The following SGMS1 variants were observed in gnomAD, a reference collection of about 807,000 sequenced individuals.
SGMS1 encodes the protein phosphatidylcholine:ceramide cholinephosphotransferase 1.
In SGMS1, 13 loss-of-function variants were observed where a neutral mutation model predicts 46.2. The ratio of observed to expected loss-of-function variants is 0.28; its 90% confidence interval spans 0.18 to 0.45. The LOEUF is 0.45. Among genes scored for constraint, SGMS1 ranks in the 20% least tolerant of loss-of-function variants. SGMS1 has a pLI of 1.00. For synonymous variants in SGMS1, 203 were observed against 187.8 expected (o/e 1.08, Z -0.66); for missense variants, 324 against 519.9 (o/e 0.62, Z 3.66).
intron 8 of SGMS1, among the ~76,000 whole-genome samples, chr10:50,312,768 A>T (rs1043067328): frequency 6.6e-6 from 1 of 152,208 alleles, no homozygotes. Flanking sequence ...GGAATCACAG[A>T]GGGTACAGTC....
At position 50,365,136 on chromosome 10, in the gene SGMS1, T is replaced by C. The variant is rs114514871; in HGVS notation, c.-231-20791A>G. Among the ~76,000 whole-genome samples the C allele has an allele frequency of 3.1e-3, 470 of 151,608 alleles. 2 individuals are homozygous for C. Among genetic ancestry groups the C allele is most frequent in the Middle Eastern group, 0.01 (3 of 290 alleles). ...AAAATTAGCCAGGCATGGTGGAGCATGTAGTCCCAGCTACTCAGGACGTTG... is the reference window on the plus strand; with the variant it reads ...AAAATTAGCCAGGCATGGTGGAGCACGTAGTCCCAGCTACTCAGGACGTTG... On this transcript the variant is annotated intron_variant, in intron 6 of 10. Coordinates refer to ENST00000361781, the MANE Select transcript of SGMS1 (RefSeq NM_147156.4).
At chr10:50,314,835 CCTT>C (rs1847313468) in intron 8 of SGMS1, among the ~76,000 whole-genome samples, 1 of 152,104 alleles carries the variant, frequency 6.6e-6, no homozygotes, top group Non-Finnish European at 1.5e-5. Flanking sequence ...GTGGGAGGAT[CCTT>C]TGAGCCTAGG....
chr10:50,558,208 T>C (rs559364882), intron 2 of SGMS1, among the ~76,000 whole-genome samples: 1 of 152,294 alleles, frequency 6.6e-6, no homozygotes, highest in African/African-American at 2.4e-5. Flanking sequence ...AACTGAACCC[T>C]AGGACTTCTG....
chr10:50,445,671 A>C (rs1478725146), intron 5 of SGMS1, among the ~76,000 whole-genome samples: 1 of 152,136 alleles, frequency 6.6e-6, no homozygotes. Context: ...CTGAGGATGA[A>C]TGTCACCTCA....
chr10:50,537,454 G>T (rs11816885), intron 2 of SGMS1, among the ~76,000 whole-genome samples: 9 of 147,270 alleles, frequency 6.1e-5, no homozygotes, highest in Non-Finnish European at 1.2e-4. Context: ...TATATATATA[G>T]ATATATATAT....
intron 2 of SGMS1, among the ~76,000 whole-genome samples, chr10:50,589,337 C>A (rs1838517580): frequency 6.6e-6 from 1 of 152,280 alleles, no homozygotes; most frequent in African/African-American, 2.4e-5. Context: ...TCATAGCTTA[C>A]TACACCCTCC....
chr10:50,552,172 G>A (rs1444637745), intron 2 of SGMS1, among the ~76,000 whole-genome samples: 1 of 152,106 alleles, frequency 6.6e-6, no homozygotes, highest in African/African-American at 2.4e-5. Context: ...GGCACGCAAG[G>A]CATAACCCAC....
At chr10:50,595,879 C>T (rs1466645435) in intron 1 of SGMS1, among the ~76,000 whole-genome samples, 2 of 152,172 alleles carry the variant, frequency 1.3e-5, no homozygotes, top group Non-Finnish European at 2.9e-5. Flanking sequence ...CAGAAGACGA[C>T]TGGGTTCCAC....
chr10:50,505,490 C>T (rs889765474), intron 3 of SGMS1, among the ~76,000 whole-genome samples: 29 of 152,252 alleles, frequency 1.9e-4, no homozygotes, highest in African/African-American at 6.7e-4. Context: ...GTCAAGTGAA[C>T]AGTACTTCTA....
chr10:50,586,859 T>C (rs1019435641), intron 2 of SGMS1, among the ~76,000 whole-genome samples: 1 of 152,250 alleles, frequency 6.6e-6, no homozygotes, highest in African/African-American at 2.4e-5. Context: ...TCATTTCCTC[T>C]GGAGGGTGCC....
chr10:50,487,792 G>GT (rs2133732872), intron 3 of SGMS1, among the ~76,000 whole-genome samples: 2 of 151,966 alleles, frequency 1.3e-5, no homozygotes, highest in South Asian at 4.1e-4. Flanking sequence ...GAGCTGAGGT[G>GT]TTTTTTCCTT....
At chr10:50,444,244 T>G (rs962744781) in intron 5 of SGMS1, among the ~76,000 whole-genome samples, 1 of 152,124 alleles carries the variant, frequency 6.6e-6, no homozygotes, top group African/African-American at 2.4e-5. Flanking sequence ...AGATGCATTT[T>G]AAATACAAAG....
chr10:50,553,049 A>C (rs1252021948), intron 2 of SGMS1, among the ~76,000 whole-genome samples: 2 of 152,188 alleles, frequency 1.3e-5, no homozygotes, highest in African/African-American at 4.8e-5. Context: ...ATTTGTGGTC[A>C]TTTGTTACAG....
Position 50,307,198 on chromosome 10 carries a change from G to T in SGMS1, c.1186C>A (p.Pro396Thr). ...PRSYHWPFPWPVVHLSRQVKY... is the reference protein window; with the variant it reads ...PRSYHWPFPWTVVHLSRQVKY... ...ACTTGCCTACTGAGGTGGACTACTG[G>T]CCAGGGGAAAGGCCAATGGTAAGAT... is the stretch of plus-strand genomic sequence containing the variant. Residue 396 changes from proline to threonine, a missense_variant, in exon 11 of 11, where the codon CCA (proline) becomes ACA (threonine). Transcript: ENST00000361781. The surrounding 1 kb of genome is among the most constrained non-coding windows in gnomAD (Gnocchi z 4.2). 6.2e-7 allele frequency: 1 copy of T among 1,614,098 alleles called. No homozygotes were observed. Among genetic ancestry groups the T allele is most frequent in the Non-Finnish European group, 8.5e-7 (1 of 1,179,998 alleles).
intron 2 of SGMS1, among the ~76,000 whole-genome samples, chr10:50,535,883 G>A (rs1165608590): frequency 4.6e-5 from 7 of 152,116 alleles, no homozygotes; most frequent in African/African-American, 1.7e-4. Flanking sequence ...CGTCTCAGTG[G>A]GAATTTCCTA....
intron 3 of SGMS1, among the ~76,000 whole-genome samples, chr10:50,492,353 A>C (rs1489651970): frequency 6.6e-6 from 1 of 152,226 alleles, no homozygotes; most frequent in Non-Finnish European, 1.5e-5. Flanking sequence ...ATGCGAAGAG[A>C]GTCAGTCAAA....
At chr10:50,456,737 T>C (rs963214503) in intron 5 of SGMS1, among the ~76,000 whole-genome samples, 1 of 152,164 alleles carries the variant, frequency 6.6e-6, no homozygotes, top group African/African-American at 2.4e-5. Flanking sequence ...TTTAGTTAAG[T>C]AGTAAAGCCA....
chr10:50,382,576 C>CACACACAT (rs527269483), intron 6 of SGMS1, among the ~76,000 whole-genome samples: 16 of 149,728 alleles, frequency 1.1e-4, no homozygotes, highest in Admixed American at 2.0e-4. Flanking sequence ...CATACACACA[C>CACACACAT]ACACACACAC....
At chr10:50,509,351 T>C (rs981648344) in intron 3 of SGMS1, among the ~76,000 whole-genome samples, 1 of 152,228 alleles carries the variant, frequency 6.6e-6, no homozygotes, top group Non-Finnish European at 1.5e-5. Context: ...CATTTGTGAA[T>C]TGTATTTTAG....
Sources: allele counts gnomAD v4.1 joint callset (sites outside exome capture counted in the v4.1 genomes callset), GRCh38; gene constraint gnomAD v4.1.1; non-coding constraint Gnocchi (gnomAD v3.1); transcripts MANE v1.5; gene names NCBI Gene and HGNC (gene_info 2026-07-23, HGNC 2026-07-21).